Variants in ODR4 observed in about 807,000 individuals in gnomAD.
ODR4 encodes the protein odr-4 GPCR localization factor homolog.
A neutral mutation model predicts 60.2 loss-of-function variants in ODR4; 47 were observed. The observed-to-expected ratio is 0.78, with a 90% CI of 0.62 to 1.00. The LOEUF (loss-of-function observed/expected upper bound fraction) is 1.00. ODR4 is among the 50% of genes least tolerant of loss of function. The pLI is 0.00. For missense variants in ODR4, 488 were observed against 530.8 expected (o/e 0.92, Z 0.79); for synonymous variants, 178 against 175.5 (o/e 1.01, Z -0.11).
chr1:186,383,840 C>G (rs1660138995), intron 3 of ODR4, among the ~76,000 whole-genome samples: 1 of 151,840 alleles, frequency 6.6e-6, no homozygotes, highest in African/African-American at 2.4e-5. Flanking sequence ...GAGTTCAAGA[C>G]CAGCCTGGCC....
At chr1:186,413,723 T>G (rs1661453333) in intron 12 of ODR4, among the ~76,000 whole-genome samples, 4 of 152,176 alleles carry the variant, frequency 2.6e-5, no homozygotes, top group Admixed American at 2.0e-4. Flanking sequence ...AGATATAATT[T>G]TATGGCTACA....
intron 2 of ODR4, among the ~76,000 whole-genome samples, chr1:186,382,636 C>T (rs2383478): frequency 0.29 from 43,730 of 151,834 alleles, 6,803 homozygotes; most frequent in Admixed American, 0.38. Flanking sequence ...TAATATTTTC[C>T]GATCTGTTCA....
At position 186,419,424 on chromosome 1, in the gene ODR4, T is replaced by C. The variant is rs1199789743; in HGVS notation, c.*348T>C. On this transcript the variant is annotated 3_prime_UTR_variant, in exon 14 of 14. Transcript: ENST00000287859. ...ATATTAATCAGGACATTAAAAACTT[T>C]AACAGAGGCATGATGGCTCACACGT... is the stretch of plus-strand genomic sequence containing the variant. 1.6e-5 allele frequency: 4 copies of C among 245,596 alleles called. No individual in the cohort carries two copies. The highest frequency in any genetic ancestry group is 3.2e-5 in the Non-Finnish European group (4 of 124,734). The allele number at this position is 245,596 out of a possible 1,614,324, so 15.2% of individuals were successfully genotyped here.
intron 12 of ODR4, among the ~76,000 whole-genome samples, chr1:186,406,607 A>G (rs982759409): frequency 1.3e-5 from 2 of 152,170 alleles, no homozygotes; most frequent in Non-Finnish European, 2.9e-5. Flanking sequence ...AAAACTCATT[A>G]TCTTACTTGG....
chr1:186,392,459 A>T (rs149857162), intron 8 of ODR4, among the ~76,000 whole-genome samples: 1 of 152,232 alleles, frequency 6.6e-6, no homozygotes, highest in African/African-American at 2.4e-5. Context: ...GCAGCCATTA[A>T]AACAGAACGA....
chr1:186,400,747 A>G, intron 11 of ODR4: 1 of 280,738 alleles, frequency 3.6e-6, no homozygotes, highest in Non-Finnish European at 6.7e-6. Flanking sequence ...TGATTGGCAG[A>G]TTTAACATTT....
chr1:186,385,081 A>G (rs1358939675), intron 3 of ODR4, among the ~76,000 whole-genome samples: 1 of 151,976 alleles, frequency 6.6e-6, no homozygotes, highest in African/African-American at 2.4e-5. Flanking sequence ...AATATGTATA[A>G]CTTCTTAAAC....
chr1:186,388,019 A>G (rs1453583188), intron 4 of ODR4, among the ~76,000 whole-genome samples: 1 of 152,218 alleles, frequency 6.6e-6, no homozygotes, highest in Non-Finnish European at 1.5e-5. Flanking sequence ...TCTCATTCTA[A>G]TTAAAGTCTC....
intron 2 of ODR4, 69 bp from the exon 3 acceptor site, chr1:186,382,953 T>C (rs2102018217): frequency 6.9e-7 from 1 of 1,457,700 alleles, no homozygotes; most frequent in Non-Finnish European, 9.2e-7. Context: ...CTAAGGAATT[T>C]AGGTATCACT....
Position 186,383,033 on chromosome 1 carries a change from A to G in ODR4, c.111A>G (p.Gln37=), listed in dbSNP as rs766290609. 3 of 1,584,482 alleles carry G rather than the reference A, an allele frequency of 1.9e-6. No homozygotes were observed. The highest frequency in any genetic ancestry group is 2.6e-6 in the Non-Finnish European group (3 of 1,164,480). Residue 37 remains glutamine, a synonymous_variant, in exon 3 of 14, where the codon CAA becomes CAG. Transcript: ENST00000287859. The stretch of plus-strand genomic sequence containing the variant: ...ATTTGTTGTTGAAGTGTTCGTCACA[A>G]AAGGATTATGTGATTCTTGCCACTA... ...SGLLIGQCSS[Q]KDYVILATRT...
rs370851871 is a variant in ODR4, at chr1:186,391,570, ATGC to A, written c.616-122_616-120del. ...TTTTAATTTGTGAAACTAGATTTAAATGCTGCAGTAATGAGATTTAGGGATTTT... is the reference window on the plus strand; with the variant it reads ...TTTTAATTTGTGAAACTAGATTTAAATGCAGTAATGAGATTTAGGGATTTT... On this transcript the variant is annotated intron_variant, in intron 7 of 13. Transcript: ENST00000287859. 661 of 655,764 alleles carry A rather than the reference ATGC, an allele frequency of 1.0e-3. 3 individuals are homozygous for A. In the African/African-American group the frequency reaches 0.011, roughly 11 times the overall value. The allele number at this position is 655,764 out of a possible 1,614,324, so 40.6% of individuals were successfully genotyped here. A position where few individuals can be genotyped will look rare whatever the true frequency, so the allele number is the denominator to read the frequency against.
chr1:186,407,688 T>A (rs886299136), intron 12 of ODR4, among the ~76,000 whole-genome samples: 1 of 152,168 alleles, frequency 6.6e-6, no homozygotes, highest in Non-Finnish European at 1.5e-5. Context: ...ACTGAGACCA[T>A]GCTTTAAATT....
chr1:186,396,275 AT>A (rs1417269215), intron 9 of ODR4, among the ~76,000 whole-genome samples: 2 of 152,184 alleles, frequency 1.3e-5, no homozygotes, highest in African/African-American at 4.8e-5. Context: ...ACTGGTCTAC[AT>A]TTCCACCTAA....
chr1:186,428,081 A>G, the ODR4 span, among the ~76,000 whole-genome samples: 2 of 152,208 alleles, frequency 1.3e-5, no homozygotes, highest in Non-Finnish European at 2.9e-5. Flanking sequence ...ACTTAAAGTC[A>G]CCAGGTGCAT....
chr1:186,396,030 A>G (rs1328592531), intron 9 of ODR4, among the ~76,000 whole-genome samples: 4 of 152,066 alleles, frequency 2.6e-5, no homozygotes, highest in Admixed American at 1.3e-4. Context: ...ACTATGTATC[A>G]TGTCTTTGCT....
downstream of ODR4, among the ~76,000 whole-genome samples, chr1:186,421,978 G>T (rs117045475): frequency 5.3e-4 from 81 of 151,908 alleles, no homozygotes; most frequent in East Asian, 0.012. Flanking sequence ...GAGGCGGGTG[G>T]GGGGTGAAGT....
downstream of ODR4, among the ~76,000 whole-genome samples, chr1:186,424,869 G>A (rs1661857896): frequency 6.6e-6 from 1 of 151,698 alleles, no homozygotes; most frequent in Admixed American, 6.6e-5. Context: ...GAAGAGGAAA[G>A]TAGAAGCTAA....
At position 186,417,761 on chromosome 1, in the gene ODR4, C is replaced by CT. The variant is rs574318788; in HGVS notation, c.1297+109dup. On this transcript the variant is annotated intron_variant, in intron 13 of 13. Coordinates refer to ENST00000287859, the MANE Select transcript of ODR4 (RefSeq NM_017847.6). ...ATTTCTCTTTCTTAAGATTGCTAGA[C>CT]TTAACAGTATTTATTGGGTATTATG... 9.9e-5 allele frequency: 66 copies of CT among 669,410 alleles called. 1 individual carries two copies. In the East Asian group the frequency reaches 1.7e-3, roughly 17 times the overall value. The allele number at this position is 669,410 out of a possible 1,614,324, so 41.5% of individuals were successfully genotyped here.
At chr1:186,424,424 CAAT>C (rs1338636710), downstream of ODR4, among the ~76,000 whole-genome samples, 2 of 152,096 alleles carry the variant, frequency 1.3e-5, no homozygotes, top group Non-Finnish European at 2.9e-5. Flanking sequence ...ATACATAAAA[CAAT>C]ATTAGTGATA....
Sources: gnomAD v4.1 joint callset for allele counts (sites outside exome capture counted in the v4.1 genomes callset) on GRCh38, gnomAD v4.1.1 for gene constraint, MANE v1.5 for transcripts, NCBI Gene and HGNC (gene_info 2026-07-23, HGNC 2026-07-21) for gene names.